GGH: variants seen among roughly 807,000 people sequenced by gnomAD.
The protein encoded by GGH is gamma-Glu-X carboxypeptidase.
A neutral mutation model predicts 39.2 loss-of-function variants in GGH; 18 were observed. The observed-to-expected ratio is 0.46, with a 90% CI of 0.32 to 0.68. The LOEUF is 0.68. Among genes scored for constraint, GGH ranks in the 30% least tolerant of loss-of-function variants. The pLI is 0.04. For missense variants in GGH, 367 were observed against 384.1 expected, an observed-to-expected ratio of 0.96 and a Z score of 0.37; for synonymous variants, 147 against 138.8, an observed-to-expected ratio of 1.06 and a Z score of -0.42.
At position 63,026,301 on chromosome 8, in the gene GGH, G is replaced by A; in HGVS notation, c.361-5C>T. The A allele has an allele frequency of 6.3e-7, 1 of 1,588,582 alleles. No individual in the cohort carries two copies. Among genetic ancestry groups the A allele is most frequent in the Admixed American group, 1.9e-5 (1 of 53,734 alleles). ...ATAGTCTCCATCATCAAAACTCTTT[G>A]CAAGTGGAAAAAGAGAAAACTAAGT... On this transcript the variant is annotated splice_polypyrimidine_tract_variant and splice_region_variant and intron_variant, in intron 4 of 8. Transcript: ENST00000260118.
At chr8:63,026,122 A>C (rs767060624) in intron 5 of GGH, 36 bp downstream of exon 5, 32 of 1,514,600 alleles carry the variant, frequency 2.1e-5, no homozygotes, top group Non-Finnish European at 2.8e-5. Flanking sequence ...CCTGCCCAGC[A>C]AATATTTTTC....
chr8:63,016,819 G>A (rs1804495133), intron 8 of GGH, among the ~76,000 whole-genome samples: 1 of 152,124 alleles, frequency 6.6e-6, no homozygotes, highest in South Asian at 2.1e-4. Context: ...ATATGTCTGT[G>A]TTTTCATCAC....
intron 7 of GGH, 52 bp downstream of exon 7, chr8:63,023,855 A>G (rs916597097): frequency 1.6e-6 from 2 of 1,252,002 alleles, no homozygotes; most frequent in Non-Finnish European, 2.1e-6. Context: ...TAAAATCAAA[A>G]TTTAAAAATA....
chr8:63,027,824 T>TA (rs1276599647), intron 3 of GGH, among the ~76,000 whole-genome samples: 1 of 151,996 alleles, frequency 6.6e-6, no homozygotes, highest in East Asian at 1.9e-4. Context: ...AGAAACATAA[T>TA]TACGATTCTA....
Position 63,015,372 on chromosome 8 carries a change from C to A in GGH, c.917G>T (p.Gly306Val). The change falls in exon 9 of 9, where the codon GGA (glycine) becomes GTA (valine). Residue 306 changes from glycine to valine, a missense_variant. Physicochemically the swap from Gly to Val is moderately radical, Grantham distance 109. Coordinates refer to ENST00000260118, the MANE Select transcript of GGH (RefSeq NM_003878.3). ...LIYQFSPIYTGNISSFQQCYI... is the reference protein window; with the variant it reads ...LIYQFSPIYTVNISSFQQCYI... ...ACATTGCTGAAATGAAGAAATATTTCCAGTATAAATTGGACTGAACTGATA... is the reference window on the plus strand; with the variant it reads ...ACATTGCTGAAATGAAGAAATATTTACAGTATAAATTGGACTGAACTGATA... 1 of 1,405,346 alleles carries A rather than the reference C, an allele frequency of 7.1e-7. No homozygotes were observed. The highest frequency in any genetic ancestry group is 9.9e-7 in the Non-Finnish European group (1 of 1,005,178). 87.1% of individuals were successfully genotyped at this position (1,405,346 alleles called of 1,614,324 possible).
At chr8:63,020,111 A>G (rs1162199550) in intron 7 of GGH, among the ~76,000 whole-genome samples, 1 of 152,216 alleles carries the variant, frequency 6.6e-6, no homozygotes, top group Non-Finnish European at 1.5e-5. Flanking sequence ...ACATTCAGTA[A>G]CGAGTGAGAT....
rs1279698518 is a variant in GGH, at chr8:63,017,550, G to A, written c.778C>T (p.His260Tyr). ...YEWKNLDGIS[H>Y]APNAVKTAFY... ...GCGGTTTTCACAGCATTAGGTGCAT[G>A]GGAAATGCCATCCAAATTCTTCCAC... Residue 260 changes from histidine (H) to tyrosine (Y), a missense_variant, in exon 8 of 9, where the codon CAT becomes TAT. His to Tyr is a moderately conservative substitution (Grantham distance 83). Transcript: ENST00000260118. 1 of 1,610,692 alleles carries A rather than the reference G, an allele frequency of 6.2e-7. No individual in the cohort carries two copies. Among genetic ancestry groups the A allele is most frequent in the Non-Finnish European group, 8.5e-7 (1 of 1,177,172 alleles).
At chr8:63,023,748 A>G in intron 7 of GGH, 159 bp downstream of exon 7, 1 of 453,338 alleles carries the variant, frequency 2.2e-6, no homozygotes, top group Non-Finnish European at 3.7e-6. Context: ...AACTGCAATT[A>G]ATTTGAAACA....
chr8:63,032,296 A>G (rs1804821279), intron 2 of GGH, among the ~76,000 whole-genome samples: 1 of 152,134 alleles, frequency 6.6e-6, no homozygotes, highest in South Asian at 2.1e-4. Flanking sequence ...TCAGCCTCCC[A>G]AAGTGCTGGG....
intron 2 of GGH, among the ~76,000 whole-genome samples, chr8:63,034,428 T>C (rs971937916): frequency 2.0e-5 from 3 of 152,264 alleles, no homozygotes; most frequent in South Asian, 2.1e-4. Flanking sequence ...ATTTTTGTTA[T>C]AATTTTTGAT....
At chr8:63,019,603 G>GT (rs1274058900) in intron 7 of GGH, among the ~76,000 whole-genome samples, 4 of 151,984 alleles carry the variant, frequency 2.6e-5, no homozygotes, top group Admixed American at 6.6e-5. Flanking sequence ...AGGTCATAAT[G>GT]TTTTTTTGGA....
In GGH at chr8:63,026,878, A is replaced by T. The variant is rs1342383402; in HGVS notation, c.360+303T>A. The stretch of plus-strand genomic sequence containing the variant: ...TTAATAACATAGAAACAATGCCCAT[A>T]AAAAAAAAATAGGACAGAGAGAGAC... On this transcript the variant is annotated intron_variant, in intron 4 of 8. Transcript: ENST00000260118. 1.3e-5 allele frequency: 3 copies of T among 222,608 alleles called. No homozygotes were observed. The East Asian group carries it at 3.5e-4, about 26-fold the overall frequency. The allele number at this position is 222,608 out of a possible 1,614,324, so 13.8% of individuals were successfully genotyped here.
intron 1 of GGH, among the ~76,000 whole-genome samples, chr8:63,036,458 G>C (rs1460773912): frequency 6.6e-6 from 1 of 152,166 alleles, no homozygotes; most frequent in African/African-American, 2.4e-5. Context: ...GCATTAATTC[G>C]AGGGTGTAGC....
chr8:63,027,358 T>G, intron 3 of GGH, 93 bp from the exon 4 acceptor site: 1 of 652,788 alleles, frequency 1.5e-6, no homozygotes, highest in Non-Finnish European at 2.7e-6. Flanking sequence ...TAAAACAATT[T>G]TTCTTATTAC....
intron 2 of GGH, among the ~76,000 whole-genome samples, chr8:63,032,094 C>T (rs758411597): frequency 1.3e-5 from 2 of 152,206 alleles, no homozygotes; most frequent in Non-Finnish European, 2.9e-5. Context: ...AGTGCAGTAG[C>T]GCCATCTCAG....
chr8:63,021,998 T>C (rs1485507356), intron 7 of GGH, among the ~76,000 whole-genome samples: 3 of 152,132 alleles, frequency 2.0e-5, no homozygotes, highest in Admixed American at 2.0e-4. Context: ...TAATAAGCTA[T>C]CTTTTCTTCT....
intron 7 of GGH, among the ~76,000 whole-genome samples, chr8:63,021,674 T>TTTTTTC (rs1804588400): frequency 7.2e-6 from 1 of 139,548 alleles, no homozygotes; most frequent in Non-Finnish European, 1.6e-5. Context: ...ATATCCTTTT[T>TTTTTTC]TTTTTTTTTT....
intron 8 of GGH, chr8:63,017,275 C>G: frequency 2.2e-6 from 1 of 444,522 alleles, no homozygotes; most frequent in Non-Finnish European, 4.0e-6. Context: ...CCCACTGAAG[C>G]ATGTATGATA....
At chr8:63,037,364 G>A (rs1804931656) in intron 1 of GGH, among the ~76,000 whole-genome samples, 1 of 152,076 alleles carries the variant, frequency 6.6e-6, no homozygotes. Context: ...GAGCACAAGG[G>A]TACCAGAAAG....
Sources: gnomAD v4.1 joint callset for allele counts (sites outside exome capture counted in the v4.1 genomes callset) on GRCh38, gnomAD v4.1.1 for gene constraint, MANE v1.5 for transcripts, NCBI Gene and HGNC (gene_info 2026-07-23, HGNC 2026-07-21) for gene names.